Variants in SEC14L5 observed in about 807,000 individuals in gnomAD.
SEC14L5 encodes the protein SEC14 like lipid binding 5, also known as SEC14-like protein 5.
A neutral mutation model predicts 84.6 loss-of-function variants in SEC14L5; 96 were observed. That is an observed-to-expected ratio of 1.13 (90% CI 0.96 to 1.34). The LOEUF is 1.34. Among genes scored for constraint, SEC14L5 ranks in the 40% most tolerant of loss-of-function variants. The pLI, the probability that SEC14L5 is intolerant of heterozygous loss-of-function variation, is 0.00. For synonymous variants in SEC14L5, 546 were observed against 383.4 expected (o/e 1.42, Z -4.95); for missense variants, 1,224 against 942.5 (o/e 1.30, Z -3.91).
chr16:4,977,850 G>A (rs773897574), intron 2 of SEC14L5, among the ~76,000 whole-genome samples: 1 of 151,464 alleles, frequency 6.6e-6, no homozygotes, highest in African/African-American at 2.4e-5. Flanking sequence ...GCTCAGGCTG[G>A]AGTACAGTGG....
Position 4,996,541 on chromosome 16 carries a change from G to A in SEC14L5, c.780+81G>A, listed in dbSNP as rs556140912. The A allele has an allele frequency of 3.0e-5, 22 of 723,334 alleles. No individual in the cohort carries two copies. In the East Asian group the frequency reaches 5.4e-4, roughly 18 times the overall value. The allele number at this position is 723,334 out of a possible 1,614,324, so 44.8% of individuals were successfully genotyped here. On this transcript the variant is annotated intron_variant, in intron 7 of 15. Transcript: ENST00000251170. ...GCCTCCGTGCATGGGAAGGAAAGGC[G>A]AGATGATAATGCTGACACATTATCT...
At chr16:4,960,211 T>C (rs1344995406) in intron 2 of SEC14L5, among the ~76,000 whole-genome samples, 1 of 152,202 alleles carries the variant, frequency 6.6e-6, no homozygotes, top group Non-Finnish European at 1.5e-5. Flanking sequence ...CCCTGCTCAG[T>C]AACATGGGGA....
Position 5,015,094 on chromosome 16 carries a change from A to G in SEC14L5, c.*124A>G. On this transcript the variant is annotated 3_prime_UTR_variant, in exon 16 of 16. Coordinates refer to ENST00000251170, the MANE Select transcript of SEC14L5 (RefSeq NM_014692.2). The stretch of plus-strand genomic sequence containing the variant: ...GGAGCCCCAGGCCTAGATGCTGCCC[A>G]AGTTGGGGTGTCTGGAGCGGATGGC... 5 of 718,250 alleles carry G rather than the reference A, an allele frequency of 7.0e-6. No individual in the cohort carries two copies. The highest frequency in any genetic ancestry group is 9.2e-6 in the Non-Finnish European group (4 of 435,610). 44.5% of individuals were successfully genotyped at this position (718,250 alleles called of 1,614,324 possible). A position where few individuals can be genotyped will look rare whatever the true frequency, so the allele number is the denominator to read the frequency against.
chr16:5,009,182 C>A (rs189066261), intron 14 of SEC14L5, among the ~76,000 whole-genome samples: 7 of 152,250 alleles, frequency 4.6e-5, no homozygotes, highest in Admixed American at 4.6e-4. Flanking sequence ...TGGGTAGATG[C>A]ATCACCCCAA....
At chr16:4,990,523 T>C (rs568701387) in intron 4 of SEC14L5, among the ~76,000 whole-genome samples, 1 of 152,394 alleles carries the variant, frequency 6.6e-6, no homozygotes, top group South Asian at 2.1e-4. Flanking sequence ...AGGGCAGGGC[T>C]GCAGATTTGA....
At chr16:5,007,313 A>G (rs1374207117) in intron 12 of SEC14L5, 39 bp from the exon 13 acceptor site, 3 of 1,602,198 alleles carry the variant, frequency 1.9e-6, no homozygotes, top group East Asian at 2.2e-5. Flanking sequence ...CCAGGCCTCA[A>G]CTGGCCCTGA....
At chr16:4,990,029 A>G (rs890223925) in intron 4 of SEC14L5, among the ~76,000 whole-genome samples, 62 of 152,014 alleles carry the variant, frequency 4.1e-4, no homozygotes, top group African/African-American at 1.4e-3. Flanking sequence ...ATATAAGGAT[A>G]TGTAATATAT....
chr16:4,975,395 C>T (rs2142487681), intron 2 of SEC14L5, among the ~76,000 whole-genome samples: 1 of 149,370 alleles, frequency 6.7e-6, no homozygotes, highest in African/African-American at 2.5e-5. Context: ...ATGGCGTGAA[C>T]CCGGGAGGCA....
chr16:4,971,894 C>T (rs1339369415), intron 2 of SEC14L5, among the ~76,000 whole-genome samples: 1 of 152,178 alleles, frequency 6.6e-6, no homozygotes, highest in African/African-American at 2.4e-5. Context: ...CCAGGGAATT[C>T]AGTGGTAAAT....
At chr16:5,014,732 T>A (rs1955851318) in intron 15 of SEC14L5, 127 bp from the exon 16 acceptor site, 1 of 660,212 alleles carries the variant, frequency 1.5e-6, no homozygotes, top group Non-Finnish European at 2.6e-6. Flanking sequence ...CACTTGCTTT[T>A]CCCTTTGCAT....
chr16:4,981,798 C>T (rs1334195373), intron 2 of SEC14L5, among the ~76,000 whole-genome samples: 1 of 152,162 alleles, frequency 6.6e-6, no homozygotes, highest in African/African-American at 2.4e-5. Context: ...GAAACAGGCC[C>T]AGAGAAAGGA....
At chr16:5,006,674 A>G (rs1183024128) in intron 12 of SEC14L5, among the ~76,000 whole-genome samples, 1 of 152,214 alleles carries the variant, frequency 6.6e-6, no homozygotes, top group Non-Finnish European at 1.5e-5. Flanking sequence ...GGATTTTAAA[A>G]AAGTCTTTTC....
chr16:4,967,649 T>A (rs1352080055), intron 2 of SEC14L5, among the ~76,000 whole-genome samples: 3 of 146,082 alleles, frequency 2.1e-5, no homozygotes, highest in Non-Finnish European at 4.5e-5. Flanking sequence ...CTTGGCTCAT[T>A]GAAACTTCCA....
At chr16:4,975,402 G>A (rs1005954309) in intron 2 of SEC14L5, among the ~76,000 whole-genome samples, 4 of 147,174 alleles carry the variant, frequency 2.7e-5, no homozygotes, top group African/African-American at 1.0e-4. Context: ...GAACCCGGGA[G>A]GCAGAGCTTG....
intron 11 of SEC14L5, among the ~76,000 whole-genome samples, chr16:5,005,268 T>C (rs983056279): frequency 2.0e-5 from 3 of 151,948 alleles, no homozygotes; most frequent in African/African-American, 7.3e-5. Flanking sequence ...TGAGCCAAGA[T>C]TGCGCCATTG....
At chr16:4,965,836 G>C (rs1044984349) in intron 2 of SEC14L5, among the ~76,000 whole-genome samples, 1 of 151,872 alleles carries the variant, frequency 6.6e-6, no homozygotes, top group Non-Finnish European at 1.5e-5. Flanking sequence ...GAGCTGAGGA[G>C]TTTGAGACCA....
rs1250247936 is a variant in SEC14L5, at chr16:5,018,307, C to G, written c.*3337C>G. 4 of 152,228 alleles carry G rather than the reference C, an allele frequency of 2.6e-5. No individual in the cohort carries two copies. The East Asian group carries it at 7.7e-4, about 29-fold the overall frequency. The allele number at this position is 152,228 out of a possible 1,614,324, so 9.4% of individuals were successfully genotyped here. The stretch of plus-strand genomic sequence containing the variant: ...TATCCCTGTTTTTCGTTATTGCACC[C>G]AGAGAAAAGTAGGTGTCAAGAATTA... On this transcript the variant is annotated 3_prime_UTR_variant, in exon 16 of 16. Coordinates refer to ENST00000251170, the MANE Select transcript of SEC14L5 (RefSeq NM_014692.2).
Position 4,988,141 on chromosome 16 carries a change from C to A in SEC14L5, c.214-8C>A, listed in dbSNP as rs895714763. The A allele has an allele frequency of 1.2e-6, 2 of 1,613,560 alleles. No individual in the cohort carries two copies. The highest frequency in any genetic ancestry group is 1.7e-6 in the Non-Finnish European group (2 of 1,179,674). On this transcript the variant is annotated splice_region_variant and splice_polypyrimidine_tract_variant and intron_variant, in intron 3 of 15. Transcript: ENST00000251170. ...CCCACCTCCGCCTCCCCGCCCCTTC[C>A]CTTGCAGATCGCAGGTGTTGAGCAC... is the stretch of plus-strand genomic sequence containing the variant.
In SEC14L5 at chr16:4,988,188, A is replaced by G. The variant is rs745377294; in HGVS notation, c.253A>G (p.Ile85Val). The G allele has an allele frequency of 1.1e-5, 17 of 1,613,588 alleles. No individual in the cohort carries two copies. The highest frequency in any genetic ancestry group is 1.3e-5 in the African/African-American group (1 of 74,938). Residue 85 changes from isoleucine (I) to valine (V), a missense_variant, in exon 4 of 16, where the codon ATC becomes GTC. Coordinates refer to ENST00000251170, the MANE Select transcript of SEC14L5 (RefSeq NM_014692.2). ...VEHVVFVQTN[I>V]LNWKERTLLI... is the part of the protein sequence containing the mutation. ...GCACGTGGTCTTCGTGCAGACAAAC[A>G]TCTTGAACTGGAAGGAGAGGACGCT...
Sources: allele counts gnomAD v4.1 joint callset (sites outside exome capture counted in the v4.1 genomes callset), GRCh38; gene constraint gnomAD v4.1.1; transcripts MANE v1.5; gene names NCBI Gene and HGNC (gene_info 2026-07-23, HGNC 2026-07-21).